Variants in PDE11A observed in about 807,000 individuals in gnomAD.
PDE11A encodes the protein dual 3',5'-cyclic-AMP and -GMP phosphodiesterase 11A.
PDE11A carries 100 observed loss-of-function variants against 100.5 expected under a neutral mutation model. The ratio of observed to expected loss-of-function variants is 1.00; its 90% CI spans 0.85 to 1.18. PDE11A has a LOEUF of 1.18. PDE11A is among the 50% of genes most tolerant of loss of function. The pLI, the probability that PDE11A is intolerant of heterozygous loss-of-function variation, is 0.00. For synonymous variants in PDE11A, 381 were observed against 420.8 expected (o/e 0.91, Z 1.16); for missense variants, 1,141 against 1,152.6 (o/e 0.99, Z 0.15).
chr2:177,911,110 C>T (rs894802480), intron 2 of PDE11A, among the ~76,000 whole-genome samples: 1 of 152,192 alleles, frequency 6.6e-6, no homozygotes, highest in African/African-American at 2.4e-5. Flanking sequence ...TGCCCTCAGG[C>T]AGTAACTATA....
At chr2:177,864,954 G>A (rs1050058422) in intron 5 of PDE11A, among the ~76,000 whole-genome samples, 1 of 152,098 alleles carries the variant, frequency 6.6e-6, no homozygotes, top group South Asian at 2.1e-4. Context: ...AGCCTGAATA[G>A]CACCCTAATT....
At chr2:177,943,942 C>T (rs2085373990) in intron 2 of PDE11A, among the ~76,000 whole-genome samples, 2 of 152,188 alleles carry the variant, frequency 1.3e-5, no homozygotes, top group South Asian at 4.2e-4. Context: ...CTTTGCATGT[C>T]GATGTTCAGT....
At chr2:177,983,049 A>G (rs962107482) in intron 2 of PDE11A, among the ~76,000 whole-genome samples, 1 of 150,724 alleles carries the variant, frequency 6.6e-6, no homozygotes, top group African/African-American at 2.4e-5. Flanking sequence ...ACACTCCAGC[A>G]TGGGTGACAG....
intron 5 of PDE11A, among the ~76,000 whole-genome samples, chr2:177,842,138 A>G (rs1195377421): frequency 2.6e-5 from 4 of 152,120 alleles, no homozygotes; most frequent in African/African-American, 9.7e-5. Context: ...ACTTTATTCC[A>G]CATTTTAATT....
chr2:178,068,360 A>C (rs2087077330), intron 1 of PDE11A, among the ~76,000 whole-genome samples: 1 of 152,130 alleles, frequency 6.6e-6, no homozygotes, highest in African/African-American at 2.4e-5. Context: ...ACTTCTATTC[A>C]ATTTTAGCAT....
At chr2:177,907,655 G>A (rs1405478705) in intron 2 of PDE11A, among the ~76,000 whole-genome samples, 1 of 152,208 alleles carries the variant, frequency 6.6e-6, no homozygotes, top group African/African-American at 2.4e-5. Flanking sequence ...TTTCTGGAAT[G>A]CTTATACAAT....
At chr2:177,732,166 G>A (rs959072555) in intron 10 of PDE11A, among the ~76,000 whole-genome samples, 14 of 146,024 alleles carry the variant, frequency 9.6e-5, no homozygotes, top group Admixed American at 4.1e-4. Flanking sequence ...CTTATTCTGC[G>A]CCCCTGTGGG....
chr2:177,715,390 G>T (rs116513571), intron 12 of PDE11A, among the ~76,000 whole-genome samples: 1 of 151,816 alleles, frequency 6.6e-6, no homozygotes, highest in Non-Finnish European at 1.5e-5. Context: ...TTTTTTCCCC[G>T]TTCAATTTGT....
chr2:177,709,305 A>G (rs2081324586), intron 13 of PDE11A, among the ~76,000 whole-genome samples: 1 of 152,142 alleles, frequency 6.6e-6, no homozygotes, highest in South Asian at 2.1e-4. Context: ...CCTCGGGAGG[A>G]GAGTCGTGCT....
intron 10 of PDE11A, among the ~76,000 whole-genome samples, chr2:177,735,676 C>T (rs2081768899): frequency 6.6e-6 from 1 of 152,198 alleles, no homozygotes; most frequent in Admixed American, 6.5e-5. Flanking sequence ...TCCAAGACTT[C>T]CTCTAATAGG....
At chr2:177,950,806 G>T (rs2105782741) in intron 2 of PDE11A, among the ~76,000 whole-genome samples, 1 of 152,332 alleles carries the variant, frequency 6.6e-6, no homozygotes, top group East Asian at 1.9e-4. Context: ...AGCTACTTGG[G>T]ACGCTGAGGC....
chr2:177,807,683 C>T (rs1176530841), intron 9 of PDE11A, among the ~76,000 whole-genome samples: 1 of 152,150 alleles, frequency 6.6e-6, no homozygotes. Flanking sequence ...GCCTTGGCCT[C>T]CCAAAGTGCT....
At chr2:177,817,782 T>C in intron 8 of PDE11A, 76 bp downstream of exon 8, 2 of 748,754 alleles carry the variant, frequency 2.7e-6, no homozygotes, top group Non-Finnish European at 4.9e-6. Flanking sequence ...AATAATTGTT[T>C]GTCTTTCAAA....
At chr2:177,816,136 G>A (rs966588726) in intron 9 of PDE11A, among the ~76,000 whole-genome samples, 4 of 152,054 alleles carry the variant, frequency 2.6e-5, no homozygotes, top group South Asian at 2.1e-4. Context: ...GCTTGAACCC[G>A]GGAGGTAGAG....
chr2:178,085,352 C>A (rs1434295629), intron 2 of PDE11A, among the ~76,000 whole-genome samples: 1 of 152,040 alleles, frequency 6.6e-6, no homozygotes, highest in Non-Finnish European at 1.5e-5. Context: ...GGTAAAAAAT[C>A]TAATTAACAT....
intron 10 of PDE11A, among the ~76,000 whole-genome samples, chr2:177,754,244 T>A (rs1297084979): frequency 6.6e-6 from 1 of 152,124 alleles, no homozygotes; most frequent in Non-Finnish European, 1.5e-5. Flanking sequence ...ATTTCAAGGC[T>A]GAGTGACAAC....
intron 5 of PDE11A, among the ~76,000 whole-genome samples, chr2:177,852,013 TAC>T (rs1467216058): frequency 6.6e-6 from 1 of 152,178 alleles, no homozygotes; most frequent in African/African-American, 2.4e-5. Context: ...TGGTTTCCCA[TAC>T]AGATGACTCT....
intron 2 of PDE11A, among the ~76,000 whole-genome samples, chr2:177,923,507 T>C (rs1005991937): frequency 1.3e-5 from 2 of 152,216 alleles, no homozygotes; most frequent in African/African-American, 4.8e-5. Context: ...TCCCTCACTC[T>C]CATTGACCTA....
At chr2:177,830,493 C>T (rs564027678) in intron 6 of PDE11A, among the ~76,000 whole-genome samples, 6 of 151,572 alleles carry the variant, frequency 4.0e-5, no homozygotes, top group African/African-American at 9.7e-5. Context: ...CCCAGTTACT[C>T]GGGAGGCTGA....
Sources: gnomAD v4.1 joint callset for allele counts (sites outside exome capture counted in the v4.1 genomes callset) on GRCh38, gnomAD v4.1.1 for gene constraint, MANE v1.5 for transcripts, NCBI Gene and HGNC (gene_info 2026-07-23, HGNC 2026-07-21) for gene names.